Variants in TGIF2 observed in about 807,000 individuals in gnomAD.
The protein encoded by TGIF2 is TGFB induced factor homeobox 2, also known as homeobox protein TGIF2.
In TGIF2, 5 loss-of-function variants were observed where a neutral mutation model predicts 15.1. The ratio of observed to expected loss-of-function variants is 0.33; its 90% CI spans 0.17 to 0.70. TGIF2 has a LOEUF of 0.70. Among genes scored for constraint, TGIF2 ranks in the 30% least tolerant of loss-of-function variants. The pLI is 0.67. For missense variants in TGIF2, 264 were observed against 302.5 expected (o/e 0.87, Z 0.94); for synonymous variants, 131 against 128.9 (o/e 1.02, Z -0.11).
In TGIF2 at chr20:36,592,981, GC is replaced by G. The variant is rs1695155406; in HGVS notation, c.*1551del. ...TTATAGGCACCCGCCACCATGTCTG[GC>G]TTTTAGTAGAGACGGGGTTTCACCA... On this transcript the variant is annotated 3_prime_UTR_variant, in exon 3 of 3. Transcript: ENST00000373872. The G allele has an allele frequency of 6.6e-6, 1 of 152,380 alleles. No individual in the cohort carries two copies. Among genetic ancestry groups the G allele is most frequent in the Non-Finnish European group, 1.5e-5 (1 of 68,068 alleles). 9.4% of individuals were successfully genotyped at this position (152,380 alleles called of 1,614,324 possible). A position where few individuals can be genotyped will look rare whatever the true frequency, so the allele number is the denominator to read the frequency against.
At chr20:36,578,017 G>T (rs1351723771) in intron 1 of TGIF2, among the ~76,000 whole-genome samples, 3 of 152,074 alleles carry the variant, frequency 2.0e-5, no homozygotes, top group South Asian at 2.1e-4. Flanking sequence ...CGCAGGCCTT[G>T]GGCAGCTTTC....
chr20:36,583,728 C>A (rs6028231), intron 2 of TGIF2, among the ~76,000 whole-genome samples: 37 of 152,286 alleles, frequency 2.4e-4, no homozygotes, highest in African/African-American at 7.5e-4. Flanking sequence ...GAAACCCCGT[C>A]TCTACTAAAA....
chr20:36,583,874 G>T (rs1268454456), intron 2 of TGIF2, among the ~76,000 whole-genome samples: 2 of 152,038 alleles, frequency 1.3e-5, no homozygotes, highest in Non-Finnish European at 2.9e-5. Flanking sequence ...TCCAGCCGGG[G>T]CAACAGACTG....
chr20:36,579,951 C>G (rs918537820), intron 2 of TGIF2, among the ~76,000 whole-genome samples: 2 of 152,212 alleles, frequency 1.3e-5, no homozygotes, highest in African/African-American at 4.8e-5. Flanking sequence ...TGTCTTTGTT[C>G]TGCTTTCCTG....
At chr20:36,587,222 G>T (rs2038678057) in intron 2 of TGIF2, among the ~76,000 whole-genome samples, 1 of 152,178 alleles carries the variant, frequency 6.6e-6, no homozygotes, top group Non-Finnish European at 1.5e-5. Context: ...ATTTTTCTGG[G>T]CTAAGAAGAC....
intron 2 of TGIF2, among the ~76,000 whole-genome samples, chr20:36,583,656 G>T (rs537676738): frequency 6.6e-6 from 1 of 152,270 alleles, no homozygotes; most frequent in African/African-American, 2.4e-5. Context: ...CAGCACTTTG[G>T]GAGGTTGAGG....
At chr20:36,575,614 G>A (rs961367814) in intron 1 of TGIF2, among the ~76,000 whole-genome samples, 2 of 152,160 alleles carry the variant, frequency 1.3e-5, no homozygotes, top group African/African-American at 4.8e-5. Flanking sequence ...GACTGAAAGG[G>A]TAGACCCTTC....
intron 2 of TGIF2, among the ~76,000 whole-genome samples, chr20:36,583,294 CAAAA>C (rs916803751): frequency 1.7e-4 from 26 of 148,884 alleles, no homozygotes; most frequent in Non-Finnish European, 3.6e-4. Context: ...AACAAACAAA[CAAAA>C]AAAACCTTCA....
At chr20:36,576,725 G>A (rs1019302364) in intron 1 of TGIF2, among the ~76,000 whole-genome samples, 2 of 152,086 alleles carry the variant, frequency 1.3e-5, no homozygotes, top group African/African-American at 4.8e-5. Context: ...GGGGATAGGG[G>A]GACAGGGTCT....
At chr20:36,577,179 T>C (rs2038447125) in intron 1 of TGIF2, among the ~76,000 whole-genome samples, 1 of 151,812 alleles carries the variant, frequency 6.6e-6, no homozygotes, top group Non-Finnish European at 1.5e-5. Flanking sequence ...ACTGGGCTAA[T>C]TTTTATTTTA....
chr20:36,586,677 G>C (rs536750663), intron 2 of TGIF2, among the ~76,000 whole-genome samples: 2 of 145,522 alleles, frequency 1.4e-5, no homozygotes, highest in South Asian at 4.4e-4. Flanking sequence ...CCTGGGCAAA[G>C]AAGTGAGACT....
intron 1 of TGIF2, chr20:36,574,785 C>G (rs967295190): frequency 2.0e-5 from 3 of 152,304 alleles, no homozygotes; most frequent in Admixed American, 1.3e-4. Flanking sequence ...GAGCCATGTG[C>G]TCCGACTCGG....
chr20:36,588,056 T>G (rs1176961139), intron 2 of TGIF2, among the ~76,000 whole-genome samples: 1 of 145,324 alleles, frequency 6.9e-6, no homozygotes, highest in Non-Finnish European at 1.5e-5. Context: ...GGTGACAGAG[T>G]GAGACCCTGT....
intron 2 of TGIF2, among the ~76,000 whole-genome samples, chr20:36,588,231 C>T (rs924710497): frequency 2.6e-5 from 4 of 152,088 alleles, no homozygotes; most frequent in African/African-American, 9.7e-5. Context: ...TGCCCTCTAC[C>T]CTCCAGGCTT....
intron 1 of TGIF2, among the ~76,000 whole-genome samples, chr20:36,577,664 C>T (rs551471245): frequency 3.3e-5 from 5 of 151,978 alleles, no homozygotes; most frequent in South Asian, 2.1e-4. Context: ...TACAGGCACG[C>T]GCCACCATGC....
In TGIF2 at chr20:36,591,329, G is replaced by A. The variant is rs752773143; in HGVS notation, c.612G>A (p.Val204=). ...GCAGCTTCCAGCTGCTGGTGGAGGT[G>A]GCGCTACAGAGGGCTGCTGAGATGG... ...DFSSFQLLVE[V]ALQRAAEMEL... is the part of the protein sequence containing the mutation. Residue 204 remains valine, a synonymous_variant, in exon 3 of 3, where the codon GTG becomes GTA. Transcript: ENST00000373872. This position sits in a 1 kb window ranked among gnomAD's most constrained non-coding sequence, Gnocchi z 5.3. 1.2e-6 allele frequency: 2 copies of A among 1,614,204 alleles called. No individual in the cohort carries two copies. The highest frequency in any genetic ancestry group is 1.7e-6 in the Non-Finnish European group (2 of 1,180,042).
rs759819833 is a variant in TGIF2 at position 36,578,752 on chromosome 20, G to A, written c.-23G>A. ...GTCCCTTGTCCCAGGTTTACCCAAGGTCCAGCCTAGCCCCTAGGCACCATG... is the reference window on the plus strand; with the variant it reads ...GTCCCTTGTCCCAGGTTTACCCAAGATCCAGCCTAGCCCCTAGGCACCATG... On this transcript the variant is annotated 5_prime_UTR_variant, in exon 2 of 3. Transcript: ENST00000373872. The A allele has an allele frequency of 4.6e-5, 74 of 1,594,690 alleles. No individual in the cohort carries two copies. The highest frequency in any genetic ancestry group is 5.9e-5 in the Non-Finnish European group (69 of 1,169,998).
chr20:36,577,728 A>C (rs2038461748), intron 1 of TGIF2, among the ~76,000 whole-genome samples: 1 of 149,764 alleles, frequency 6.7e-6, no homozygotes, highest in African/African-American at 2.5e-5. Context: ...GTTGGCCAGG[A>C]TGGTCTCAAT....
At chr20:36,581,791 G>A (rs2038551284) in intron 2 of TGIF2, among the ~76,000 whole-genome samples, 1 of 152,082 alleles carries the variant, frequency 6.6e-6, no homozygotes, top group East Asian at 2.0e-4. Flanking sequence ...CCTACGCCCA[G>A]CTAATTTTTG....
Sources: allele counts gnomAD v4.1 joint callset (sites outside exome capture counted in the v4.1 genomes callset), GRCh38; gene constraint gnomAD v4.1.1; non-coding constraint Gnocchi (gnomAD v3.1); transcripts MANE v1.5; gene names NCBI Gene and HGNC (gene_info 2026-07-23, HGNC 2026-07-21).